CNTNAP5: variants seen among roughly 807,000 people sequenced by gnomAD.
CNTNAP5 encodes the protein contactin-associated protein-like 5.
Under a neutral mutation model 150.2 loss-of-function variants are expected in CNTNAP5, and 72 were observed. That is an observed-to-expected ratio of 0.48 (90% CI 0.40 to 0.58). CNTNAP5 has a LOEUF of 0.58. CNTNAP5 is among the 20% of genes least tolerant of loss of function. The pLI is 0.00. For synonymous variants in CNTNAP5, 672 were observed against 619.8 expected, an observed-to-expected ratio of 1.08 and a Z score of -1.25; for missense variants, 1,636 against 1,626.2, an observed-to-expected ratio of 1.01 and a Z score of -0.10.
chr2:124,388,106 G>A (rs1235741638), intron 3 of CNTNAP5, among the ~76,000 whole-genome samples: 1 of 152,170 alleles, frequency 6.6e-6, no homozygotes, highest in Non-Finnish European at 1.5e-5. Context: ...AAAAGAATTT[G>A]TCCTCCAACT....
chr2:124,707,718 A>C (rs1679721765), intron 13 of CNTNAP5, among the ~76,000 whole-genome samples: 1 of 151,984 alleles, frequency 6.6e-6, no homozygotes, highest in Non-Finnish European at 1.5e-5. Context: ...ACACCTCTCT[A>C]CCTCACTTTC....
At chr2:124,840,862 C>T (rs962275372) in intron 19 of CNTNAP5, among the ~76,000 whole-genome samples, 1 of 152,096 alleles carries the variant, frequency 6.6e-6, no homozygotes, top group African/African-American at 2.4e-5. Flanking sequence ...TAGCAGGCTG[C>T]ATGGGGCTGA....
chr2:124,715,497 A>G (rs1573568861), intron 13 of CNTNAP5, among the ~76,000 whole-genome samples: 1 of 152,148 alleles, frequency 6.6e-6, no homozygotes, highest in East Asian at 1.9e-4. Flanking sequence ...TACCAAAGAA[A>G]AAAGGAGGGT....
intron 3 of CNTNAP5, among the ~76,000 whole-genome samples, chr2:124,387,401 T>C (rs1690956934): frequency 6.6e-6 from 1 of 152,268 alleles, no homozygotes; most frequent in Non-Finnish European, 1.5e-5. Context: ...AAACAGGCTT[T>C]GTGTGAGCAA....
chr2:124,763,633 C>A, intron 14 of CNTNAP5, 39 bp from the exon 15 acceptor site: 1 of 1,588,846 alleles, frequency 6.3e-7, no homozygotes, highest in Non-Finnish European at 8.6e-7. Flanking sequence ...AGATTATCCA[C>A]ATTTTGTCCT....
intron 7 of CNTNAP5, among the ~76,000 whole-genome samples, chr2:124,497,535 A>G (rs1020248920): frequency 9.9e-5 from 15 of 152,234 alleles, no homozygotes; most frequent in African/African-American, 3.4e-4. Flanking sequence ...ATGTACATCA[A>G]TGACCTCAAG....
chr2:124,335,662 G>T (rs1239255811), intron 3 of CNTNAP5, among the ~76,000 whole-genome samples: 1 of 151,050 alleles, frequency 6.6e-6, no homozygotes, highest in Non-Finnish European at 1.5e-5. Context: ...TGAAAAGGAA[G>T]GAAAGACAGG....
chr2:124,548,327 G>A (rs1193314992), intron 10 of CNTNAP5, among the ~76,000 whole-genome samples: 4 of 152,132 alleles, frequency 2.6e-5, no homozygotes, highest in East Asian at 3.9e-4. Context: ...GTTTTATGGC[G>A]AGGCTGTGCT....
intron 3 of CNTNAP5, among the ~76,000 whole-genome samples, chr2:124,260,463 A>G (rs986328364): frequency 1.3e-5 from 2 of 152,232 alleles, no homozygotes; most frequent in Admixed American, 6.5e-5. Flanking sequence ...ATGGGCAAGG[A>G]CTTCATGTCT....
At chr2:124,645,104 T>C (rs1200193272) in intron 12 of CNTNAP5, among the ~76,000 whole-genome samples, 1 of 152,234 alleles carries the variant, frequency 6.6e-6, no homozygotes, top group Non-Finnish European at 1.5e-5. Flanking sequence ...CAATGTTTCA[T>C]TATTGATGGA....
intron 1 of CNTNAP5, among the ~76,000 whole-genome samples, chr2:124,162,128 T>C (rs1252581126): frequency 6.6e-6 from 1 of 152,130 alleles, no homozygotes; most frequent in Non-Finnish European, 1.5e-5. Flanking sequence ...TTTCTCTCTG[T>C]AAAAATGCCA....
chr2:124,848,947 A>AT (rs1208697595), intron 19 of CNTNAP5, among the ~76,000 whole-genome samples: 1 of 151,908 alleles, frequency 6.6e-6, no homozygotes, highest in Non-Finnish European at 1.5e-5. Flanking sequence ...TCACGTTTTC[A>AT]TTTTTTCAAC....
intron 3 of CNTNAP5, among the ~76,000 whole-genome samples, chr2:124,277,952 C>A (rs897611840): frequency 6.6e-6 from 1 of 152,122 alleles, no homozygotes. Context: ...CCATCAAGTG[C>A]CCCTGTTCTC....
At chr2:124,297,713 C>A (rs1688470478) in intron 3 of CNTNAP5, among the ~76,000 whole-genome samples, 1 of 151,896 alleles carries the variant, frequency 6.6e-6, no homozygotes, top group East Asian at 1.9e-4. Context: ...AAAGGTTTCA[C>A]CATCACCAGA....
chr2:124,453,091 A>G (rs1400958383), intron 6 of CNTNAP5, among the ~76,000 whole-genome samples: 1 of 152,182 alleles, frequency 6.6e-6, no homozygotes, highest in African/African-American at 2.4e-5. Flanking sequence ...GTGAGATACC[A>G]GAGAAAGTCA....
At chr2:124,640,439 G>T (rs541491964) in intron 12 of CNTNAP5, among the ~76,000 whole-genome samples, 13 of 152,270 alleles carry the variant, frequency 8.5e-5, no homozygotes, top group South Asian at 4.1e-4. Flanking sequence ...AATGCAGAGC[G>T]CATGGTAGCC....
intron 3 of CNTNAP5, among the ~76,000 whole-genome samples, chr2:124,366,828 A>G (rs1436847150): frequency 6.6e-6 from 1 of 152,092 alleles, no homozygotes; most frequent in Non-Finnish European, 1.5e-5. Flanking sequence ...GCTCCTACAC[A>G]TGGGCCAGTC....
chr2:124,822,768 T>C (rs556337043), intron 19 of CNTNAP5, among the ~76,000 whole-genome samples: 1 of 152,320 alleles, frequency 6.6e-6, no homozygotes, highest in Admixed American at 6.5e-5. Context: ...TTGGCTTGCA[T>C]GGAAAACTTT....
At chr2:124,418,581 T>G (rs1018039695) in intron 4 of CNTNAP5, among the ~76,000 whole-genome samples, 1 of 152,166 alleles carries the variant, frequency 6.6e-6, no homozygotes, top group Non-Finnish European at 1.5e-5. Context: ...CTGCTAAAAA[T>G]AAAGCCCTGC....
Sources: gnomAD v4.1 joint callset for allele counts (sites outside exome capture counted in the v4.1 genomes callset) on GRCh38, gnomAD v4.1.1 for gene constraint, MANE v1.5 for transcripts, NCBI Gene and HGNC (gene_info 2026-07-23, HGNC 2026-07-21) for gene names.